HCK: variants seen among roughly 807,000 people sequenced by gnomAD.
HCK encodes tyrosine-protein kinase HCK.
A neutral mutation model predicts 70.4 loss-of-function variants in HCK; 40 were observed. That is an observed-to-expected ratio of 0.57 (90% CI 0.44 to 0.74). The LOEUF is 0.74. Ranked by LOEUF, HCK falls within the 30% of genes least tolerant of loss-of-function variation. HCK has a pLI of 0.00. For missense variants in HCK, 568 were observed against 697.2 expected, an observed-to-expected ratio of 0.81 and a Z score of 2.09; for synonymous variants, 245 against 263.2, an observed-to-expected ratio of 0.93 and a Z score of 0.67.
At chr20:32,060,188 A>T (rs1364412137) in intron 1 of HCK, among the ~76,000 whole-genome samples, 4 of 152,060 alleles carry the variant, frequency 2.6e-5, no homozygotes, top group Admixed American at 1.3e-4. Context: ...TCTCAGTTTA[A>T]ACATATATTT....
chr20:32,067,814 C>T (rs560401398), intron 1 of HCK, among the ~76,000 whole-genome samples: 1 of 151,882 alleles, frequency 6.6e-6, no homozygotes, highest in Admixed American at 6.6e-5. Flanking sequence ...CTGAGATGTG[C>T]TCTAACAGTA....
chr20:32,061,415 T>C (rs1045209736), intron 1 of HCK, among the ~76,000 whole-genome samples: 1 of 152,204 alleles, frequency 6.6e-6, no homozygotes, highest in African/African-American at 2.4e-5. Flanking sequence ...GAGCAGCCCA[T>C]GAGAGCAGTG....
chr20:32,076,624 G>C (rs1428066105), intron 5 of HCK, among the ~76,000 whole-genome samples: 1 of 152,182 alleles, frequency 6.6e-6, no homozygotes, highest in East Asian at 1.9e-4. Flanking sequence ...TAACCTAGAT[G>C]GGGGGTTCTC....
At chr20:32,071,194 T>A (rs192803402) in intron 1 of HCK, among the ~76,000 whole-genome samples, 5 of 152,078 alleles carry the variant, frequency 3.3e-5, no homozygotes, top group Non-Finnish European at 5.9e-5. Flanking sequence ...CCACTGTAGG[T>A]CATATTATTG....
At chr20:32,100,110 G>A (rs1234021511) in intron 12 of HCK, among the ~76,000 whole-genome samples, 3 of 151,906 alleles carry the variant, frequency 2.0e-5, no homozygotes, top group Non-Finnish European at 2.9e-5. Context: ...GTCTCACTAC[G>A]TTGTGCAGCC....
intron 1 of HCK, among the ~76,000 whole-genome samples, chr20:32,057,621 T>C (rs1184048462): frequency 6.6e-6 from 1 of 152,032 alleles, no homozygotes; most frequent in Non-Finnish European, 1.5e-5. Flanking sequence ...AGAAAAGGAA[T>C]GTGAAGCCTA....
intron 9 of HCK, among the ~76,000 whole-genome samples, chr20:32,087,396 C>T (rs186299533): frequency 4.5e-4 from 68 of 152,252 alleles, no homozygotes; most frequent in Non-Finnish European, 6.9e-4. Flanking sequence ...AAGTGATCCT[C>T]CCACCCCAGC....
intron 5 of HCK, 63 bp from the exon 6 acceptor site, chr20:32,079,711 T>A: frequency 7.1e-6 from 8 of 1,122,554 alleles, no homozygotes; most frequent in African/African-American, 3.0e-5. Flanking sequence ...ACAGGCATCC[T>A]GTGTAGGCCG....
chr20:32,078,872 AAAAAAAAG>A (rs930313861), intron 5 of HCK, among the ~76,000 whole-genome samples: 4 of 150,844 alleles, frequency 2.7e-5, no homozygotes, highest in African/African-American at 4.9e-5. Flanking sequence ...AAAAAAAAAA[AAAAAAAAG>A]GGGGGGAATG....
chr20:32,094,107 C>T (rs1600743363), intron 11 of HCK, 91 bp downstream of exon 11: 1 of 1,236,218 alleles, frequency 8.1e-7, no homozygotes, highest in East Asian at 2.3e-5. Context: ...TGGTAAAATG[C>T]AAGGGACTGC....
intron 8 of HCK, 81 bp from the exon 9 acceptor site, chr20:32,086,547 G>A (rs1303526104): frequency 1.7e-5 from 19 of 1,147,998 alleles, no homozygotes; most frequent in African/African-American, 6.3e-5. Context: ...TGGAGGAGGC[G>A]GGTCTGCAGC....
intron 10 of HCK, among the ~76,000 whole-genome samples, 166 bp from the exon 11 acceptor site, chr20:32,093,697 A>T (rs533155438): frequency 6.6e-6 from 1 of 152,218 alleles, no homozygotes; most frequent in East Asian, 1.9e-4. Flanking sequence ...GAATGGGTTG[A>T]TGGAGGAATG....
intron 12 of HCK, among the ~76,000 whole-genome samples, chr20:32,100,974 TCTC>T (rs1569019645): frequency 6.6e-6 from 1 of 152,202 alleles, no homozygotes; most frequent in African/African-American, 2.4e-5. Context: ...ATGATGGTCT[TCTC>T]CATGTTGTCA....
At chr20:32,083,377 A>G (rs1192052436) in intron 6 of HCK, among the ~76,000 whole-genome samples, 1 of 152,210 alleles carries the variant, frequency 6.6e-6, no homozygotes, top group African/African-American at 2.4e-5. Context: ...GCATGTTCAC[A>G]TTTCAATAAC....
intron 12 of HCK, among the ~76,000 whole-genome samples, chr20:32,099,444 G>A (rs187172318): frequency 9.7e-5 from 13 of 133,612 alleles, no homozygotes; most frequent in South Asian, 7.5e-4. Flanking sequence ...TGCAACCTCC[G>A]CCTCCCAGGT....
At chr20:32,094,757 GAAAGAAGGAAAGAAAGAAAGAGAGAGAA>G (rs1569009863) in intron 11 of HCK, among the ~76,000 whole-genome samples, 2 of 124,524 alleles carry the variant, frequency 1.6e-5, no homozygotes, top group East Asian at 2.1e-4. Flanking sequence ...AAGAAAGAAA[GAAAGAAGGAAAGAAAGAAAGAGAGAGAA>G]AGAGAAAGAA....
Position 32,052,431 on chromosome 20 carries a change from G to C in HCK, c.7G>C (p.Gly3Arg). The stretch of plus-strand genomic sequence containing the variant: ...AACCTCAGGGGCTGCCGAGCTGGGG[G>C]GGCGCTCAAGCTGCGAGGATCCGGG... Residue 3 changes from glycine (G) to arginine (R), a missense_variant, in exon 1 of 13, where the codon GGG becomes CGG. Physicochemically the swap from Gly to Arg is moderately radical, Grantham distance 125. Coordinates refer to ENST00000375852, the MANE Select transcript of HCK (RefSeq NM_002110.5). 1.6e-6 allele frequency: 2 copies of C among 1,283,700 alleles called. No individual in the cohort carries two copies. The highest frequency in any genetic ancestry group is 2.0e-6 in the Non-Finnish European group (2 of 1,006,174). 79.5% of individuals were successfully genotyped at this position (1,283,700 alleles called of 1,614,324 possible).
At chr20:32,057,743 C>G (rs1392076639) in intron 1 of HCK, among the ~76,000 whole-genome samples, 1 of 151,848 alleles carries the variant, frequency 6.6e-6, no homozygotes, top group Non-Finnish European at 1.5e-5. Context: ...TTTTTTATAC[C>G]ACAAGTCATC....
intron 1 of HCK, among the ~76,000 whole-genome samples, chr20:32,060,061 T>C (rs1224063356): frequency 6.6e-6 from 1 of 152,060 alleles, no homozygotes; most frequent in African/African-American, 2.4e-5. Flanking sequence ...AAGTGAAAAG[T>C]GGCCCTGGTG....
Sources: allele counts gnomAD v4.1 joint callset (sites outside exome capture counted in the v4.1 genomes callset), GRCh38; gene constraint gnomAD v4.1.1; transcripts MANE v1.5; gene names NCBI Gene and HGNC (gene_info 2026-07-23, HGNC 2026-07-21).